ZFAND3: variants seen among roughly 807,000 people sequenced by gnomAD.
The protein encoded by ZFAND3 is AN1-type zinc finger protein 3.
Under a neutral mutation model 29.6 loss-of-function variants are expected in ZFAND3, and 10 were observed. The observed-to-expected ratio is 0.34, with a 90% CI of 0.21 to 0.57. The LOEUF (loss-of-function observed/expected upper bound fraction) is 0.57. ZFAND3 is among the 20% of genes least tolerant of loss of function. The pLI is 0.86. For missense variants in ZFAND3, 230 were observed against 304.5 expected, an observed-to-expected ratio of 0.76 and a Z score of 1.82; for synonymous variants, 128 against 112.6, an observed-to-expected ratio of 1.14 and a Z score of -0.87.
intron 1 of ZFAND3, among the ~76,000 whole-genome samples, chr6:37,871,058 A>C (rs1764687303): frequency 6.6e-6 from 1 of 152,124 alleles, no homozygotes; most frequent in Admixed American, 6.6e-5. Flanking sequence ...TATTTCTCCA[A>C]ATATTTTTCT....
At chr6:37,948,326 C>T (rs1156357741) in intron 2 of ZFAND3, among the ~76,000 whole-genome samples, 1 of 152,100 alleles carries the variant, frequency 6.6e-6, no homozygotes, top group East Asian at 1.9e-4. Flanking sequence ...TAAATTGACC[C>T]CTTCATCATT....
intron 2 of ZFAND3, among the ~76,000 whole-genome samples, chr6:38,010,127 A>G (rs1194471599): frequency 2.6e-5 from 4 of 152,224 alleles, no homozygotes; most frequent in African/African-American, 9.6e-5. Flanking sequence ...ATATTTACCC[A>G]GTTATTCCAG....
In ZFAND3 at chr6:38,154,133, A is replaced by G. The variant is rs1766296345; in HGVS notation, c.*1744A>G. The G allele has an allele frequency of 2.0e-6, 2 of 985,428 alleles. No homozygotes were observed. Among genetic ancestry groups the G allele is most frequent in the South Asian group, 9.4e-5 (2 of 21,298 alleles). The allele number at this position is 985,428 out of a possible 1,614,324, so 61.0% of individuals were successfully genotyped here. A position where few individuals can be genotyped will look rare whatever the true frequency, so the allele number is the denominator to read the frequency against. ...CAGGGCAGAGGGGCCAGGTCTGCCC[A>G]GCGTTTACCACTGCTGTCAAGCCAC... On this transcript the variant is annotated 3_prime_UTR_variant, in exon 6 of 6. Coordinates refer to ENST00000287218, the MANE Select transcript of ZFAND3 (RefSeq NM_021943.3).
chr6:37,940,164 G>A (rs1163706521), intron 2 of ZFAND3, among the ~76,000 whole-genome samples: 1 of 152,162 alleles, frequency 6.6e-6, no homozygotes, highest in Non-Finnish European at 1.5e-5. Flanking sequence ...CTCCCTTTTA[G>A]ACTTGTCAGG....
At chr6:38,079,971 C>G (rs1390932013) in intron 3 of ZFAND3, among the ~76,000 whole-genome samples, 1 of 151,670 alleles carries the variant, frequency 6.6e-6, no homozygotes, top group Admixed American at 6.6e-5. Context: ...GTTAAAATCC[C>G]TCAGGATGTA....
intron 1 of ZFAND3, among the ~76,000 whole-genome samples, chr6:37,846,725 T>G (rs575589438): frequency 1.0e-3 from 159 of 151,914 alleles, no homozygotes; most frequent in Non-Finnish European, 1.4e-3. Flanking sequence ...TTTGTTTTTT[T>G]TTTTGGAATG....
At chr6:38,104,380 A>G (rs1236171182) in intron 4 of ZFAND3, among the ~76,000 whole-genome samples, 2 of 152,228 alleles carry the variant, frequency 1.3e-5, no homozygotes, top group African/African-American at 4.8e-5. Flanking sequence ...GTTTTGCCTT[A>G]TCTGATAATT....
At chr6:37,893,579 A>C (rs1765142764) in intron 1 of ZFAND3, among the ~76,000 whole-genome samples, 1 of 151,974 alleles carries the variant, frequency 6.6e-6, no homozygotes, top group East Asian at 1.9e-4. Flanking sequence ...TTGAAGGTGG[A>C]GTCTTGCTCT....
intron 2 of ZFAND3, among the ~76,000 whole-genome samples, chr6:38,029,965 T>C (rs1581852755): frequency 6.6e-6 from 1 of 151,164 alleles, no homozygotes; most frequent in East Asian, 1.9e-4. Flanking sequence ...TTCATTTCTA[T>C]GTGTAGATCC....
chr6:38,132,163 G>A (rs1337359140), intron 5 of ZFAND3, among the ~76,000 whole-genome samples: 1 of 152,164 alleles, frequency 6.6e-6, no homozygotes, highest in African/African-American at 2.4e-5. Flanking sequence ...TTTGGGGAAG[G>A]GTGTACTTGC....
At chr6:38,102,717 G>T (rs977303534) in intron 4 of ZFAND3, among the ~76,000 whole-genome samples, 3 of 152,196 alleles carry the variant, frequency 2.0e-5, no homozygotes, top group Non-Finnish European at 2.9e-5. Flanking sequence ...TAACTACAGA[G>T]TAGGCAGGAG....
Position 37,894,546 on chromosome 6 carries a change from A to T in ZFAND3, c.72-35413A>T, listed in dbSNP as rs551926482. On this transcript the variant is annotated intron_variant, in intron 1 of 5. Coordinates refer to ENST00000287218, the MANE Select transcript of ZFAND3 (RefSeq NM_021943.3). Reference sequence around the variant, plus strand: ...GCCTTACTAATTTTTTTATGTTTAAATTTTTTGTAGAGACAGAATCTCTCT... The same window carrying T: ...GCCTTACTAATTTTTTTATGTTTAATTTTTTTGTAGAGACAGAATCTCTCT... Among the ~76,000 whole-genome samples the T allele has an allele frequency of 3.3e-5, 5 of 151,926 alleles. No individual in the cohort carries two copies. The South Asian group carries it at 8.3e-4, about 25-fold the overall frequency.
chr6:38,043,346 G>A (rs941444078), intron 2 of ZFAND3, among the ~76,000 whole-genome samples: 4 of 149,726 alleles, frequency 2.7e-5, no homozygotes, highest in Non-Finnish European at 5.9e-5. Context: ...AAAAAAAAAA[G>A]AACTCGTAGT....
chr6:38,108,104 G>A (rs971439554), intron 4 of ZFAND3, among the ~76,000 whole-genome samples: 11 of 152,090 alleles, frequency 7.2e-5, no homozygotes, highest in Non-Finnish European at 1.5e-5. Flanking sequence ...ATTAAATATT[G>A]TGTGACATTG....
chr6:37,949,022 C>A (rs1667507443), intron 2 of ZFAND3, among the ~76,000 whole-genome samples: 1 of 152,094 alleles, frequency 6.6e-6, no homozygotes, highest in African/African-American at 2.4e-5. Context: ...AATTGTAGTT[C>A]TTTGAGAAAT....
intron 2 of ZFAND3, among the ~76,000 whole-genome samples, chr6:38,024,716 CATATT>C (rs766207925): frequency 2.0e-5 from 3 of 152,124 alleles, no homozygotes; most frequent in Non-Finnish European, 2.9e-5. Context: ...CAAGAGGTCA[CATATT>C]ATATGATTCT....
At chr6:38,126,097 T>C (rs1765629569) in intron 5 of ZFAND3, among the ~76,000 whole-genome samples, 1 of 152,190 alleles carries the variant, frequency 6.6e-6, no homozygotes, top group Non-Finnish European at 1.5e-5. Flanking sequence ...CCATATTCTC[T>C]CCCACCCTAG....
In ZFAND3 at chr6:38,153,499, G is replaced by A. The variant is rs1024372738; in HGVS notation, c.*1110G>A. 6 of 985,512 alleles carry A rather than the reference G, an allele frequency of 6.1e-6. No homozygotes were observed. The highest frequency in any genetic ancestry group is 1.7e-5 in the African/African-American group (1 of 57,240). The allele number at this position is 985,512 out of a possible 1,614,324, so 61.0% of individuals were successfully genotyped here. ...AGTTTAGTAAGGGAAGGCAGCATAC[G>A]TCCCAGGGACAGTGGGTTTGGATCT... On this transcript the variant is annotated 3_prime_UTR_variant, in exon 6 of 6. Transcript: ENST00000287218.
At chr6:37,906,697 T>C (rs776355709) in intron 1 of ZFAND3, among the ~76,000 whole-genome samples, 1 of 114,106 alleles carries the variant, frequency 8.8e-6, no homozygotes, top group East Asian at 2.2e-4. Context: ...ACACTTACTT[T>C]CTGTTTTTTT....
Sources: allele counts gnomAD v4.1 joint callset (sites outside exome capture counted in the v4.1 genomes callset), GRCh38; gene constraint gnomAD v4.1.1; transcripts MANE v1.5; gene names NCBI Gene and HGNC (gene_info 2026-07-23, HGNC 2026-07-21).